Variants in PIGN observed in about 807,000 individuals in gnomAD.
PIGN encodes phosphatidylinositol glycan anchor biosynthesis class N, also known as GPI ethanolamine phosphate transferase 1.
PIGN carries 117 observed loss-of-function variants against 125.4 expected under a neutral mutation model. That is an observed-to-expected ratio of 0.93 (90% CI 0.80 to 1.09). The LOEUF is 1.09. Among genes scored for constraint, PIGN ranks in the 50% least tolerant of loss-of-function variants. PIGN has a pLI of 0.00. For missense variants in PIGN, 1,075 were observed against 1,094.9 expected, an observed-to-expected ratio of 0.98 and a Z score of 0.26; for synonymous variants, 392 against 377.8, an observed-to-expected ratio of 1.04 and a Z score of -0.44.
At position 62,154,720 on chromosome 18, in the gene PIGN, G is replaced by C. The variant is rs535776718; in HGVS notation, c.443-69C>G. 260 of 750,984 alleles carry C rather than the reference G, an allele frequency of 3.5e-4. No individual in the cohort carries two copies. The African/African-American group carries it at 4.1e-3, about 12-fold the overall frequency. 46.5% of individuals were successfully genotyped at this position (750,984 alleles called of 1,614,324 possible). ...TTAAACTATCATAAAATATGAGCTA[G>C]TCATTCACAGATTTTTGTGAGTAAC... On this transcript the variant is annotated intron_variant, in intron 6 of 30. Transcript: ENST00000640252.
intron 23 of PIGN, among the ~76,000 whole-genome samples, chr18:62,026,533 T>G (rs1004267469): frequency 1.3e-5 from 2 of 152,146 alleles, no homozygotes; most frequent in African/African-American, 4.8e-5. Context: ...CAAAGATAAA[T>G]AGCAGCCTAC....
At chr18:62,082,068 A>T (rs1243215776) in intron 28 of PIGN, among the ~76,000 whole-genome samples, 1 of 152,114 alleles carries the variant, frequency 6.6e-6, no homozygotes, top group Non-Finnish European at 1.5e-5. Flanking sequence ...CTGATGAGGC[A>T]ATTTTATTGG....
At position 62,186,906 on chromosome 18, in the gene PIGN, C is replaced by T. The variant is rs1449587222; in HGVS notation, c.-298G>A. ...AGGGCTCCTCAGCGCGAAGGCAGGACCCAGCTCCATTAAAGCTCTCGGGCA... is the reference window on the plus strand; with the variant it reads ...AGGGCTCCTCAGCGCGAAGGCAGGATCCAGCTCCATTAAAGCTCTCGGGCA... On this transcript the variant is annotated 5_prime_UTR_variant, in exon 1 of 31. Coordinates refer to ENST00000640252, the MANE Select transcript of PIGN (RefSeq NM_176787.5). 6.6e-6 allele frequency: 1 copy of T among 152,308 alleles called. No homozygotes were observed. Among genetic ancestry groups the T allele is most frequent in the African/African-American group, 2.4e-5 (1 of 41,462 alleles). 9.4% of individuals were successfully genotyped at this position (152,308 alleles called of 1,614,324 possible).
chr18:62,112,951 T>C lies in PIGN; in HGVS notation c.1434+183A>G, dbSNP rs528328182. 157 of 539,256 alleles carry C rather than the reference T, an allele frequency of 2.9e-4. 4 individuals are homozygous for C. The South Asian group carries it at 3.2e-3, about 11-fold the overall frequency. 33.4% of individuals were successfully genotyped at this position (539,256 alleles called of 1,614,324 possible). A position where few individuals can be genotyped will look rare whatever the true frequency, so the allele number is the denominator to read the frequency against. On this transcript the variant is annotated intron_variant, in intron 16 of 30. Coordinates refer to ENST00000640252, the MANE Select transcript of PIGN (RefSeq NM_176787.5). The stretch of plus-strand genomic sequence containing the variant: ...AGTTATAGGATCATTATTATCAATA[T>C]ATCTTTTTCTCAACTGAAGAAACAG...
chr18:62,101,993 C>T (rs956489100), intron 21 of PIGN, among the ~76,000 whole-genome samples: 3 of 151,772 alleles, frequency 2.0e-5, no homozygotes, highest in Non-Finnish European at 4.4e-5. Flanking sequence ...TTTGGGAGGC[C>T]GGGGTGGGTG....
intron 1 of PIGN, among the ~76,000 whole-genome samples, chr18:62,184,119 T>C (rs1175261593): frequency 6.6e-6 from 1 of 152,160 alleles, no homozygotes; most frequent in Non-Finnish European, 1.5e-5. Context: ...TCTGTGGATG[T>C]TTACCACACA....
At chr18:62,078,701 T>A (rs1038276141) in intron 28 of PIGN, among the ~76,000 whole-genome samples, 1 of 152,246 alleles carries the variant, frequency 6.6e-6, no homozygotes, top group Admixed American at 6.5e-5. Context: ...AGTTATATGG[T>A]ATTATTTGAT....
At chr18:62,156,146 T>A (rs970278420) in intron 6 of PIGN, among the ~76,000 whole-genome samples, 1 of 152,156 alleles carries the variant, frequency 6.6e-6, no homozygotes, top group Admixed American at 6.6e-5. Context: ...TAAATGAATT[T>A]TCTAATTAAG....
At chr18:62,026,116 A>T (rs1283931086) in intron 23 of PIGN, among the ~76,000 whole-genome samples, 3 of 152,202 alleles carry the variant, frequency 2.0e-5, no homozygotes, top group African/African-American at 7.2e-5. Flanking sequence ...TTATTCCTTT[A>T]TAAATCCCGT....
chr18:62,155,396 G>A lies in PIGN; in HGVS notation c.443-745C>T, dbSNP rs143179965. Among the ~76,000 whole-genome samples the A allele has an allele frequency of 7.5e-3, 1,147 of 152,004 alleles. 35 individuals carry two copies. Among genetic ancestry groups the A allele is most frequent in the East Asian group, 0.027 (137 of 5,164 alleles). ...CCCCTGGCCAACATGATGAAACCCC[G>A]TCTCTACTAAAAAGAGAAAAAAATT... On this transcript the variant is annotated intron_variant, in intron 6 of 30. Transcript: ENST00000640252.
chr18:62,050,286 T>TGGGGGGG (rs2031162535), intron 30 of PIGN, among the ~76,000 whole-genome samples: 1 of 152,132 alleles, frequency 6.6e-6, no homozygotes, highest in Non-Finnish European at 1.5e-5. Flanking sequence ...TAAATTACCT[T>TGGGGGGG]GGGCAGTATG....
In PIGN at chr18:62,147,242, C is replaced by G. The variant is rs2036367605; in HGVS notation, c.675-141G>C. ...TTTAATATTTTAAAATCAGAGTACTCTAGATTGTTAAAATAATTTTTTCTC... is the reference window on the plus strand; with the variant it reads ...TTTAATATTTTAAAATCAGAGTACTGTAGATTGTTAAAATAATTTTTTCTC... On this transcript the variant is annotated intron_variant, in intron 8 of 30. Coordinates refer to ENST00000640252, the MANE Select transcript of PIGN (RefSeq NM_176787.5). 70 of 1,084,998 alleles carry G rather than the reference C, an allele frequency of 6.5e-5. 1 individual carries two copies. The highest frequency in any genetic ancestry group is 8.2e-5 in the Non-Finnish European group (67 of 817,644). The allele number at this position is 1,084,998 out of a possible 1,614,324, so 67.2% of individuals were successfully genotyped here. A position where few individuals can be genotyped will look rare whatever the true frequency, so the allele number is the denominator to read the frequency against.
At chr18:62,131,860 G>C (rs534050381) in intron 14 of PIGN, among the ~76,000 whole-genome samples, 1 of 152,172 alleles carries the variant, frequency 6.6e-6, no homozygotes, top group South Asian at 2.1e-4. Flanking sequence ...TGGAAAAATG[G>C]TGAAGATACC....
intron 9 of PIGN, among the ~76,000 whole-genome samples, 163 bp downstream of exon 9, chr18:62,146,808 T>G (rs2036346178): frequency 6.6e-6 from 1 of 152,254 alleles, no homozygotes; most frequent in Admixed American, 6.5e-5. Flanking sequence ...TATTTTTTTA[T>G]AAGATCAGTT....
intron 30 of PIGN, among the ~76,000 whole-genome samples, chr18:62,060,325 C>T (rs895627486): frequency 2.0e-5 from 3 of 152,156 alleles, no homozygotes; most frequent in South Asian, 2.1e-4. Flanking sequence ...AGGGGAAGAG[C>T]GTATGTGTGG....
chr18:62,114,095 C>T (rs1195029588), intron 15 of PIGN, among the ~76,000 whole-genome samples: 1 of 152,180 alleles, frequency 6.6e-6, no homozygotes, highest in Non-Finnish European at 1.5e-5. Flanking sequence ...GGTGCGGTGG[C>T]TCATGCCTGT....
rs371198368 is a variant in PIGN at position 62,095,957 on chromosome 18, T to G, written c.2078-7A>C. 18 of 1,578,204 alleles carry G rather than the reference T, an allele frequency of 1.1e-5. No individual in the cohort carries two copies. The highest frequency in any genetic ancestry group is 9.6e-6 in the Non-Finnish European group (11 of 1,148,034). ...GGCACAACCAAGGAAGAGGCTGCAA[T>G]GAAACAGAACAGGTCATCTGTCAGT... On this transcript the variant is annotated splice_region_variant and splice_polypyrimidine_tract_variant and intron_variant, in intron 22 of 30. Coordinates refer to ENST00000640252, the MANE Select transcript of PIGN (RefSeq NM_176787.5).
At chr18:62,085,162 G>T in intron 26 of PIGN, 47 bp downstream of exon 26, 2 of 1,019,428 alleles carry the variant, frequency 2.0e-6, no homozygotes, top group Non-Finnish European at 2.9e-6. Flanking sequence ...GTCCCAGGTT[G>T]CATTATTTTT....
At chr18:62,131,239 TATA>T in intron 14 of PIGN, among the ~76,000 whole-genome samples, 1 of 152,300 alleles carries the variant, frequency 6.6e-6, no homozygotes, top group Middle Eastern at 3.4e-3. Context: ...ATCAAATTTA[TATA>T]ATAATTTTCA....
Sources: allele counts gnomAD v4.1 joint callset (sites outside exome capture counted in the v4.1 genomes callset), GRCh38; gene constraint gnomAD v4.1.1; transcripts MANE v1.5; gene names NCBI Gene and HGNC (gene_info 2026-07-23, HGNC 2026-07-21).